RNF13: variants seen among roughly 807,000 people sequenced by gnomAD.
RNF13 encodes ring finger protein 13.
A neutral mutation model predicts 37.7 loss-of-function variants in RNF13; 19 were observed. The ratio of observed to expected loss-of-function variants is 0.50; its 90% CI spans 0.35 to 0.74. RNF13 has a LOEUF of 0.74. RNF13 is among the 30% of genes least tolerant of loss of function. RNF13 has a pLI of 0.01. For synonymous variants in RNF13, 144 were observed against 157.8 expected, an observed-to-expected ratio of 0.91 and a Z score of 0.65; for missense variants, 375 against 453.0, an observed-to-expected ratio of 0.83 and a Z score of 1.56.
chr3:149,831,767 A>T (rs1308322991), intron 1 of RNF13, among the ~76,000 whole-genome samples: 1 of 151,984 alleles, frequency 6.6e-6, no homozygotes, highest in Non-Finnish European at 1.5e-5. Context: ...TCTTCATAGC[A>T]GTATGAAAAT....
chr3:149,873,787 C>T (rs952660765), intron 4 of RNF13, among the ~76,000 whole-genome samples: 40 of 152,132 alleles, frequency 2.6e-4, no homozygotes, highest in African/African-American at 9.4e-4. Context: ...CACCCTTCCA[C>T]TTTGTAAATA....
At chr3:149,835,515 A>G (rs1410736392) in intron 1 of RNF13, among the ~76,000 whole-genome samples, 1 of 152,122 alleles carries the variant, frequency 6.6e-6, no homozygotes, top group East Asian at 1.9e-4. Context: ...GAGTGAGAAC[A>G]TACGATGTTT....
intron 5 of RNF13, among the ~76,000 whole-genome samples, chr3:149,897,265 C>T (rs1329973546): frequency 2.0e-5 from 3 of 152,176 alleles, no homozygotes; most frequent in African/African-American, 7.2e-5. Flanking sequence ...GTGTGTTTTG[C>T]TAAAGGCCCA....
At chr3:149,834,397 A>G (rs1467450663) in intron 1 of RNF13, among the ~76,000 whole-genome samples, 1 of 152,240 alleles carries the variant, frequency 6.6e-6, no homozygotes, top group Non-Finnish European at 1.5e-5. Context: ...ATAGACATAT[A>G]GAGCAATGGA....
At chr3:149,870,458 T>G (rs767575950) in intron 3 of RNF13, among the ~76,000 whole-genome samples, 1 of 151,756 alleles carries the variant, frequency 6.6e-6, no homozygotes, top group African/African-American at 2.4e-5. Context: ...TCTTTTTCTA[T>G]GGGGGGAGTC....
At chr3:149,835,848 T>C (rs1264785613) in intron 1 of RNF13, among the ~76,000 whole-genome samples, 2 of 139,812 alleles carry the variant, frequency 1.4e-5, no homozygotes, top group Admixed American at 7.0e-5. Context: ...AGTAGTGGGA[T>C]TGCTGGATCC....
At chr3:149,869,685 G>T (rs1246901912) in intron 3 of RNF13, among the ~76,000 whole-genome samples, 2 of 151,710 alleles carry the variant, frequency 1.3e-5, no homozygotes, top group Non-Finnish European at 2.9e-5. Context: ...TGGGGATCAT[G>T]GTTCCCTGCT....
At chr3:149,942,703 C>T (rs1720390579) in intron 8 of RNF13, among the ~76,000 whole-genome samples, 1 of 152,076 alleles carries the variant, frequency 6.6e-6, no homozygotes, top group African/African-American at 2.4e-5. Context: ...ATTTTCTTGT[C>T]TAATTGCTCT....
chr3:149,859,161 T>C (rs954094195), intron 3 of RNF13, among the ~76,000 whole-genome samples: 4 of 152,128 alleles, frequency 2.6e-5, no homozygotes, highest in African/African-American at 9.7e-5. Context: ...AGTATCACCC[T>C]CAGTTTATAA....
At chr3:149,925,426 G>A (rs1419932080) in intron 8 of RNF13, among the ~76,000 whole-genome samples, 1 of 152,050 alleles carries the variant, frequency 6.6e-6, no homozygotes, top group African/African-American at 2.4e-5. Flanking sequence ...TAATTTCACT[G>A]CCTTTCTCAA....
chr3:149,954,052 A>G (rs1221485158), intron 8 of RNF13, among the ~76,000 whole-genome samples: 1 of 152,358 alleles, frequency 6.6e-6, no homozygotes, highest in African/African-American at 2.4e-5. Context: ...TGAAATTTCA[A>G]TAACAGTAAG....
intron 4 of RNF13, among the ~76,000 whole-genome samples, chr3:149,882,767 A>G (rs1461587627): frequency 1.3e-5 from 2 of 152,180 alleles, no homozygotes; most frequent in African/African-American, 4.8e-5. Flanking sequence ...TTAATGAGCC[A>G]TGGTAGTTGA....
intron 8 of RNF13, among the ~76,000 whole-genome samples, chr3:149,933,249 G>A (rs1719338019): frequency 6.6e-6 from 1 of 151,224 alleles, no homozygotes; most frequent in East Asian, 1.9e-4. Context: ...GATGGGAGGA[G>A]CTGCCTTTTG....
chr3:149,897,573 T>C (rs920013916), intron 5 of RNF13, among the ~76,000 whole-genome samples: 13 of 152,364 alleles, frequency 8.5e-5, no homozygotes, highest in African/African-American at 2.9e-4. Context: ...GTTCAAAGAC[T>C]GCTCAGAATT....
At chr3:149,939,753 C>A in intron 8 of RNF13, 1 of 631,196 alleles carries the variant, frequency 1.6e-6, no homozygotes, top group Non-Finnish European at 3.0e-6. Context: ...AAAGATAGTT[C>A]TGGGGCCTCA....
intron 1 of RNF13, chr3:149,817,264 A>T (rs892718962): frequency 5.9e-5 from 9 of 152,212 alleles, no homozygotes; most frequent in Non-Finnish European, 8.8e-5. Flanking sequence ...CTCAATGAAG[A>T]TGCACCCATT....
chr3:149,939,717 T>C (rs1720064190), intron 8 of RNF13: 2 of 785,276 alleles, frequency 2.5e-6, no homozygotes, highest in Non-Finnish European at 4.2e-6. Context: ...AGTGATAATC[T>C]TTGTCGGCCT....
intron 6 of RNF13, among the ~76,000 whole-genome samples, chr3:149,911,693 T>C (rs1487047330): frequency 6.6e-6 from 1 of 151,504 alleles, no homozygotes; most frequent in Admixed American, 6.6e-5. Flanking sequence ...AATAAATAAA[T>C]AACATATCTC....
intron 8 of RNF13, among the ~76,000 whole-genome samples, chr3:149,935,386 G>C (rs1172148224): frequency 1.3e-5 from 2 of 151,892 alleles, no homozygotes; most frequent in Non-Finnish European, 2.9e-5. Flanking sequence ...ATTATTGATA[G>C]GTAAGAACTT....
Sources: gnomAD v4.1 joint callset for allele counts (sites outside exome capture counted in the v4.1 genomes callset) on GRCh38, gnomAD v4.1.1 for gene constraint, MANE v1.5 for transcripts, NCBI Gene and HGNC (gene_info 2026-07-23, HGNC 2026-07-21) for gene names.